Variants in IL17RA observed in about 807,000 individuals in gnomAD.
The protein encoded by IL17RA is interleukin 17 receptor A, also known as interleukin-17 receptor A.
Under a neutral mutation model 50.4 loss-of-function variants are expected in IL17RA, and 34 were observed. The observed-to-expected ratio is 0.67, with a 90% CI of 0.51 to 0.90. The LOEUF (loss-of-function observed/expected upper bound fraction) is 0.90. Ranked by LOEUF, IL17RA falls within the 40% of genes least tolerant of loss-of-function variation. The pLI is 0.00. For missense variants in IL17RA, 1,276 were observed against 1,169.8 expected, an observed-to-expected ratio of 1.09 and a Z score of -1.32; for synonymous variants, 585 against 510.4, an observed-to-expected ratio of 1.15 and a Z score of -1.97.
rs1351765167 is a variant in IL17RA at position 17,111,768 on chromosome 22, AT to A, written c.*1949del. 3 of 152,196 alleles carry A rather than the reference AT, an allele frequency of 2.0e-5. No homozygotes were observed. The highest frequency in any genetic ancestry group is 1.3e-4 in the Admixed American group (2 of 15,282). 9.4% of individuals were successfully genotyped at this position (152,196 alleles called of 1,614,324 possible). The stretch of plus-strand genomic sequence containing the variant: ...CATACATGTGCGTGAAAGATTATCA[AT>A]AAAAGTGCATAAATTTGTTGATCTG... On this transcript the variant is annotated 3_prime_UTR_variant, in exon 13 of 13. Transcript: ENST00000319363.
chr22:17,108,785 G>T lies in IL17RA; in HGVS notation c.1566G>T (p.Arg522=), dbSNP rs760044887. 1.9e-6 allele frequency: 3 copies of T among 1,607,914 alleles called. No individual in the cohort carries two copies. Among genetic ancestry groups the T allele is most frequent in the East Asian group, 4.5e-5 (2 of 44,570 alleles). Residue 522 remains arginine (R), a synonymous_variant, in exon 13 of 13, where the codon CGG becomes CGT. Coordinates refer to ENST00000319363, the MANE Select transcript of IL17RA (RefSeq NM_014339.7). The part of the protein sequence containing the change: ...DVPDLFGAAP[R]YPLMDRFEEV... ...CCGACCTGTTCGGCGCGGCGCCGCG[G>T]TACCCGCTCATGGACAGGTTCGAGG...
chr22:17,098,979 G>A (rs1470314144), intron 4 of IL17RA, 92 bp downstream of exon 4: 5 of 1,050,310 alleles, frequency 4.8e-6, no homozygotes, highest in East Asian at 2.4e-5. Context: ...TTAGAGTGGG[G>A]GAGACCCAGA....
Position 17,112,803 on chromosome 22 carries a change from C to T in IL17RA, c.*2983C>T, listed in dbSNP as rs1420185818. ...TGTCTCTCTAAGAACAGGTGCCCTC[C>T]ACGCTGTGCCCCTCCCACCTCTTCA... On this transcript the variant is annotated 3_prime_UTR_variant, in exon 13 of 13. Coordinates refer to ENST00000319363, the MANE Select transcript of IL17RA (RefSeq NM_014339.7). 2 of 152,134 alleles carry T rather than the reference C, an allele frequency of 1.3e-5. No individual in the cohort carries two copies. Among genetic ancestry groups the T allele is most frequent in the African/African-American group, 4.8e-5 (2 of 41,416 alleles). 9.4% of individuals were successfully genotyped at this position (152,134 alleles called of 1,614,324 possible).
At chr22:17,090,714 C>T (rs7284133) in intron 1 of IL17RA, among the ~76,000 whole-genome samples, 2,089 of 152,250 alleles carry the variant, frequency 0.014, 48 homozygotes, top group African/African-American at 0.047. Context: ...TTTTTTATTA[C>T]AGTTAAATCA....
rs201084814 is a variant in IL17RA, at chr22:17,091,166, T to G, written c.139-5896T>G. 1.5e-4 allele frequency among the ~76,000 whole-genome samples: 23 copies of G among 152,346 alleles called. No homozygotes were observed. In the East Asian group the frequency reaches 4.2e-3, roughly 28 times the overall value. On this transcript the variant is annotated intron_variant, in intron 1 of 12. Transcript: ENST00000319363. ...CATTTTGCTGGAGAATATCATCCTG[T>G]AATTTCCTAAGCATATGTATGAGGG...
At chr22:17,096,451 A>G (rs1480978967) in intron 1 of IL17RA, among the ~76,000 whole-genome samples, 1 of 152,154 alleles carries the variant, frequency 6.6e-6, no homozygotes, top group Non-Finnish European at 1.5e-5. Flanking sequence ...CTCTTGCAGC[A>G]GTGTTATCCA....
chr22:17,103,687 G>A, intron 8 of IL17RA, 110 bp downstream of exon 8: 5 of 863,698 alleles, frequency 5.8e-6, no homozygotes, highest in Non-Finnish European at 5.6e-6. Context: ...CGGGAGTGGG[G>A]AGTGTGCACA....
At chr22:17,103,471 C>T in intron 7 of IL17RA, 23 bp from the exon 8 acceptor site, 11 of 1,607,266 alleles carry the variant, frequency 6.8e-6, no homozygotes, top group Non-Finnish European at 9.4e-6. Flanking sequence ...ACTAGCCTTA[C>T]CCATCCTCGC....
At position 17,109,870 on chromosome 22, in the gene IL17RA, G is replaced by A. The variant is rs2061433649; in HGVS notation, c.*50G>A. On this transcript the variant is annotated 3_prime_UTR_variant, in exon 13 of 13. Coordinates refer to ENST00000319363, the MANE Select transcript of IL17RA (RefSeq NM_014339.7). ...GATCCCAGCTTTGAGAGAGGAGTGT[G>A]TGTGCACGTATTCATCTGTGTGTAC... 6.7e-7 allele frequency: 1 copy of A among 1,486,884 alleles called. No individual in the cohort carries two copies. Among genetic ancestry groups the A allele is most frequent in the Non-Finnish European group, 9.1e-7 (1 of 1,095,962 alleles). The allele number at this position is 1,486,884 out of a possible 1,614,324, so 92.1% of individuals were successfully genotyped here. A position where few individuals can be genotyped will look rare whatever the true frequency, so the allele number is the denominator to read the frequency against.
At chr22:17,101,430 A>G (rs1255221209) in intron 5 of IL17RA, among the ~76,000 whole-genome samples, 1 of 152,156 alleles carries the variant, frequency 6.6e-6, no homozygotes, top group African/African-American at 2.4e-5. Flanking sequence ...CCTGACTGGT[A>G]CTGCATGCTG....
Position 17,113,858 on chromosome 22 carries a change from G to C in IL17RA, c.*4038G>C, listed in dbSNP as rs1845050771. 2 of 152,228 alleles carry C rather than the reference G, an allele frequency of 1.3e-5. No individual in the cohort carries two copies. Among genetic ancestry groups the C allele is most frequent in the African/African-American group, 2.4e-5 (1 of 41,460 alleles). The allele number at this position is 152,228 out of a possible 1,614,324, so 9.4% of individuals were successfully genotyped here. A position where few individuals can be genotyped will look rare whatever the true frequency, so the allele number is the denominator to read the frequency against. On this transcript the variant is annotated 3_prime_UTR_variant, in exon 13 of 13. Coordinates refer to ENST00000319363, the MANE Select transcript of IL17RA (RefSeq NM_014339.7). ...GCTTGCTCATCTGTAAAGTGGGTGG[G>C]GCAGGAGTTCCCACCTCATGGGGTC... is the stretch of plus-strand genomic sequence containing the variant.
chr22:17,107,894 A>G, intron 12 of IL17RA, 126 bp downstream of exon 12: 2 of 827,118 alleles, frequency 2.4e-6, no homozygotes, highest in South Asian at 2.8e-5. Flanking sequence ...CACCTTAGAA[A>G]CCCCCTTCCA....
chr22:17,114,621 G>GTGCCTGCATTTGCCTGCT lies in IL17RA; in HGVS notation c.*4802_*4803insGCCTGCATTTGCCTGCTT, dbSNP rs1176153324. 12 of 152,376 alleles carry GTGCCTGCATTTGCCTGCT rather than the reference G, an allele frequency of 7.9e-5. No individual in the cohort carries two copies. Among genetic ancestry groups the GTGCCTGCATTTGCCTGCT allele is most frequent in the Non-Finnish European group, 1.6e-4 (11 of 68,172 alleles). The allele number at this position is 152,376 out of a possible 1,614,324, so 9.4% of individuals were successfully genotyped here. The stretch of plus-strand genomic sequence containing the variant: ...TAGAAAGGAGGGATGCGGGTGGCTG[G>GTGCCTGCATTTGCCTGCT]TCCCTGCATTTGCCTGCTTCCCTGC... On this transcript the variant is annotated 3_prime_UTR_variant, in exon 13 of 13. Coordinates refer to ENST00000319363, the MANE Select transcript of IL17RA (RefSeq NM_014339.7).
intron 5 of IL17RA, among the ~76,000 whole-genome samples, chr22:17,100,869 TCTC>T (rs1204172992): frequency 4.6e-5 from 7 of 152,214 alleles, no homozygotes; most frequent in East Asian, 3.9e-4. Flanking sequence ...GGCTTGCTCT[TCTC>T]CTTCCACCTT....
chr22:17,089,756 T>C (rs1240169189), intron 1 of IL17RA, among the ~76,000 whole-genome samples: 1 of 152,024 alleles, frequency 6.6e-6, no homozygotes, highest in Non-Finnish European at 1.5e-5. Context: ...GTCTCTAGTC[T>C]GAGCTACTGA....
intron 3 of IL17RA, 95 bp downstream of exon 3, chr22:17,098,038 C>G: frequency 6.9e-7 from 1 of 1,458,174 alleles, no homozygotes; most frequent in Admixed American, 1.7e-5. Flanking sequence ...GTCCTGTGCT[C>G]AGACATGGGG....
At chr22:17,089,465 T>C (rs988758213) in intron 1 of IL17RA, among the ~76,000 whole-genome samples, 25 of 152,194 alleles carry the variant, frequency 1.6e-4, no homozygotes, top group African/African-American at 4.6e-4. Flanking sequence ...AGGAGCTCAA[T>C]AAACATCAGC....
Position 17,109,104 on chromosome 22 carries a change from T to A in IL17RA, c.1885T>A (p.Ser629Thr), listed in dbSNP as rs573755642. 2.6e-6 allele frequency: 4 copies of A among 1,559,022 alleles called. No homozygotes were observed. The South Asian group carries it at 3.5e-5, about 14-fold the overall frequency. Reference protein sequence around the residue: ...KRAPLVREPGSQACLAIDPLV... With the variant: ...KRAPLVREPGTQACLAIDPLV... ...GGCGCCCCTGGTGCGCGAGCCTGGC[T>A]CCCAGGCCTGCCTGGCCATAGACCC... Residue 629 changes from serine (S) to threonine (T), a missense_variant, in exon 13 of 13, where the codon TCC (serine) becomes ACC (threonine). Coordinates refer to ENST00000319363, the MANE Select transcript of IL17RA (RefSeq NM_014339.7).
In IL17RA at chr22:17,109,877, C is replaced by A; in HGVS notation, c.*57C>A. On this transcript the variant is annotated 3_prime_UTR_variant, in exon 13 of 13. Transcript: ENST00000319363. The stretch of plus-strand genomic sequence containing the variant: ...GCTTTGAGAGAGGAGTGTGTGTGCA[C>A]GTATTCATCTGTGTGTACATGTCTG... 1 of 1,453,380 alleles carries A rather than the reference C, an allele frequency of 6.9e-7. No individual in the cohort carries two copies. 90.0% of individuals were successfully genotyped at this position (1,453,380 alleles called of 1,614,324 possible).
Sources: gnomAD v4.1 joint callset for allele counts (sites outside exome capture counted in the v4.1 genomes callset) on GRCh38, gnomAD v4.1.1 for gene constraint, MANE v1.5 for transcripts, NCBI Gene and HGNC (gene_info 2026-07-23, HGNC 2026-07-21) for gene names.